The following SLC35D2 variants were observed in gnomAD, a reference collection of about 807,000 sequenced individuals.
SLC35D2 encodes solute carrier family 35 member D2, also known as nucleotide sugar transporter SLC35D2.
Under a neutral mutation model 41.8 loss-of-function variants are expected in SLC35D2, and 43 were observed. That is an observed-to-expected ratio of 1.03 (90% CI 0.81 to 1.33). The LOEUF (loss-of-function observed/expected upper bound fraction) is 1.33, where lower values mean the gene tolerates loss of function less well. SLC35D2 is among the 40% of genes most tolerant of loss of function. The pLI is 0.00. For synonymous variants in SLC35D2, 150 were observed against 163.9 expected (o/e 0.92, Z 0.65); for missense variants, 380 against 408.4 (o/e 0.93, Z 0.60).
intron 9 of SLC35D2, among the ~76,000 whole-genome samples, chr9:96,333,322 C>T (rs11789769): frequency 0.065 from 9,895 of 151,576 alleles, 435 homozygotes; most frequent in East Asian, 0.23. Flanking sequence ...GTAGGCCGGG[C>T]GTGGTGGCTC....
At chr9:96,374,208 C>T (rs1033712005) in intron 1 of SLC35D2, 2 of 152,170 alleles carry the variant, frequency 1.3e-5, no homozygotes, top group African/African-American at 4.8e-5. Context: ...AAATGAATAG[C>T]TTCTATAATA....
At chr9:96,382,178 T>C (rs1160858292) in intron 1 of SLC35D2, among the ~76,000 whole-genome samples, 1 of 151,740 alleles carries the variant, frequency 6.6e-6, no homozygotes, top group Non-Finnish European at 1.5e-5. Flanking sequence ...TTCTCGAATA[T>C]AAAATAAGAA....
At chr9:96,335,747 T>C (rs867401101) in intron 9 of SLC35D2, among the ~76,000 whole-genome samples, 6 of 152,096 alleles carry the variant, frequency 3.9e-5, no homozygotes, top group African/African-American at 1.4e-4. Context: ...CCAGAAGATA[T>C]ACCTAAAGAA....
intron 9 of SLC35D2, among the ~76,000 whole-genome samples, chr9:96,327,458 C>T (rs1453625934): frequency 6.6e-6 from 1 of 152,124 alleles, no homozygotes; most frequent in East Asian, 1.9e-4. Context: ...CAGCACCCAT[C>T]CATCATGAGT....
At chr9:96,365,111 T>C (rs1000759726) in intron 2 of SLC35D2, among the ~76,000 whole-genome samples, 5 of 151,206 alleles carry the variant, frequency 3.3e-5, no homozygotes, top group Admixed American at 6.6e-5. Context: ...CCCAGCATTT[T>C]GGGAAGCTGA....
At chr9:96,334,020 G>A (rs890441404) in intron 9 of SLC35D2, among the ~76,000 whole-genome samples, 1 of 152,052 alleles carries the variant, frequency 6.6e-6, no homozygotes, top group Non-Finnish European at 1.5e-5. Context: ...AAGGTTAAAT[G>A]TTCCCACTCA....
intron 9 of SLC35D2, among the ~76,000 whole-genome samples, chr9:96,331,101 T>C (rs1828788438): frequency 6.6e-6 from 1 of 152,178 alleles, no homozygotes; most frequent in Non-Finnish European, 1.5e-5. Flanking sequence ...TTTCGCCATG[T>C]TGGCCAGGCT....
intron 1 of SLC35D2, among the ~76,000 whole-genome samples, chr9:96,374,702 G>T (rs1204074850): frequency 6.6e-6 from 1 of 150,992 alleles, no homozygotes; most frequent in African/African-American, 2.4e-5. Flanking sequence ...GCCGAGCGTG[G>T]TGGCAGGCGC....
At chr9:96,317,729 C>A (rs1828087773), downstream of SLC35D2, among the ~76,000 whole-genome samples, 1 of 152,004 alleles carries the variant, frequency 6.6e-6, no homozygotes, top group South Asian at 2.1e-4. Flanking sequence ...AGGTAGTTAA[C>A]AAAAGTTTGG....
At chr9:96,364,416 G>T in intron 3 of SLC35D2, 48 bp downstream of exon 3, 1 of 1,127,560 alleles carries the variant, frequency 8.9e-7, no homozygotes, top group Non-Finnish European at 1.3e-6. Context: ...AAATCAATGT[G>T]TATTTTCACA....
downstream of SLC35D2, among the ~76,000 whole-genome samples, chr9:96,318,190 T>C (rs1472808548): frequency 6.6e-6 from 1 of 152,236 alleles, no homozygotes; most frequent in East Asian, 1.9e-4. Flanking sequence ...CTGGGCACAG[T>C]GGCTCACACC....
intron 4 of SLC35D2, among the ~76,000 whole-genome samples, chr9:96,358,664 C>T (rs1830137650): frequency 6.6e-6 from 1 of 152,120 alleles, no homozygotes; most frequent in South Asian, 2.1e-4. Context: ...TCCTGCTTTT[C>T]CTATATGAAG....
chr9:96,352,159 GTTTTATCTTTTACATGTTTTACATTT>G, intron 4 of SLC35D2, 50 bp from the exon 5 acceptor site: 2 of 1,275,596 alleles, frequency 1.6e-6, no homozygotes, highest in Non-Finnish European at 2.2e-6. Context: ...TGGTTGATTG[GTTTTATCTTTTACATGTTTTACATTT>G]TTAATTAAGC....
chr9:96,333,999 A>AT (rs200611655), intron 9 of SLC35D2, among the ~76,000 whole-genome samples: 1 of 151,736 alleles, frequency 6.6e-6, no homozygotes, highest in African/African-American at 2.4e-5. Context: ...CATGGCTTAG[A>AT]TTTTTTTTTC....
At chr9:96,329,755 C>T (rs929298302) in intron 9 of SLC35D2, among the ~76,000 whole-genome samples, 1 of 152,178 alleles carries the variant, frequency 6.6e-6, no homozygotes, top group South Asian at 2.1e-4. Context: ...TGTGAGAGAA[C>T]ATTTTCACAG....
chr9:96,354,623 C>T (rs912259236), intron 4 of SLC35D2, among the ~76,000 whole-genome samples: 13 of 151,832 alleles, frequency 8.6e-5, no homozygotes, highest in African/African-American at 2.9e-4. Flanking sequence ...AAAAAATTAG[C>T]TGGACGTAGT....
At chr9:96,328,572 G>C (rs1828660907) in intron 9 of SLC35D2, among the ~76,000 whole-genome samples, 1 of 152,224 alleles carries the variant, frequency 6.6e-6, no homozygotes, top group Non-Finnish European at 1.5e-5. Context: ...TCCTGGACCA[G>C]AGCCTCTGCT....
chr9:96,380,553 G>A (rs1831156309), intron 1 of SLC35D2, among the ~76,000 whole-genome samples: 1 of 151,634 alleles, frequency 6.6e-6, no homozygotes, highest in Non-Finnish European at 1.5e-5. Flanking sequence ...TGCCTCCTGA[G>A]TTCAAGTGAT....
chr9:96,365,082 C>G (rs530442248), intron 2 of SLC35D2, among the ~76,000 whole-genome samples: 2 of 150,898 alleles, frequency 1.3e-5, no homozygotes, highest in African/African-American at 2.4e-5. Context: ...AGCTGGGTGC[C>G]GTGGCTCATG....
Sources: gnomAD v4.1 joint callset for allele counts (sites outside exome capture counted in the v4.1 genomes callset) on GRCh38, gnomAD v4.1.1 for gene constraint, MANE v1.5 for transcripts, NCBI Gene and HGNC (gene_info 2026-07-23, HGNC 2026-07-21) for gene names.